Variants in SDK1 observed in about 807,000 individuals in gnomAD.
SDK1 encodes the protein protein sidekick-1.
In SDK1, 157 loss-of-function variants were observed where a neutral mutation model predicts 245.5. The ratio of observed to expected loss-of-function variants is 0.64; its 90% CI spans 0.56 to 0.73. The LOEUF is 0.73. Ranked by LOEUF, SDK1 falls within the 30% of genes least tolerant of loss-of-function variation. The pLI is 0.00. For synonymous variants in SDK1, 1,647 were observed against 1,278.5 expected (o/e 1.29, Z -6.15); for missense variants, 3,583 against 3,002.3 (o/e 1.19, Z -4.52).
intron 41 of SDK1, among the ~76,000 whole-genome samples, chr7:4,235,507 A>G (rs1244189188): frequency 1.3e-5 from 2 of 152,164 alleles, no homozygotes; most frequent in Non-Finnish European, 2.9e-5. Flanking sequence ...AAAAGCACAG[A>G]TTTCTCATTT....
chr7:3,842,672 AG>A (rs1214349381), intron 5 of SDK1, among the ~76,000 whole-genome samples: 1 of 152,122 alleles, frequency 6.6e-6, no homozygotes, highest in African/African-American at 2.4e-5. Flanking sequence ...CACTTTAAGA[AG>A]GGTCTGGGGT....
chr7:3,752,980 A>G (rs558168547), intron 4 of SDK1, among the ~76,000 whole-genome samples: 11 of 152,204 alleles, frequency 7.2e-5, no homozygotes, highest in Admixed American at 3.9e-4. Context: ...CCAAATTGCT[A>G]TTTCTCCACC....
At chr7:3,545,071 G>A (rs1380073738) in intron 1 of SDK1, among the ~76,000 whole-genome samples, 1 of 152,190 alleles carries the variant, frequency 6.6e-6, no homozygotes, top group Non-Finnish European at 1.5e-5. Context: ...TGGGAGGAGA[G>A]CTGGTGCTAT....
chr7:3,868,420 T>C (rs1780874255), intron 5 of SDK1, among the ~76,000 whole-genome samples: 1 of 152,130 alleles, frequency 6.6e-6, no homozygotes, highest in African/African-American at 2.4e-5. Context: ...AAAGAAGGAA[T>C]AGGAAAAGAA....
intron 19 of SDK1, among the ~76,000 whole-genome samples, chr7:4,058,103 A>G (rs1779312038): frequency 1.3e-5 from 2 of 152,194 alleles, no homozygotes; most frequent in African/African-American, 4.8e-5. Flanking sequence ...AAAAATAATG[A>G]TATTAAGGAA....
At chr7:3,479,876 A>AAT (rs1554277609) in intron 1 of SDK1, among the ~76,000 whole-genome samples, 23 of 147,714 alleles carry the variant, frequency 1.6e-4, no homozygotes, top group South Asian at 6.5e-4. Context: ...AAAAAAAAAA[A>AAT]TTTTTTTTTT....
At chr7:3,831,718 G>A (rs1301592301) in intron 5 of SDK1, among the ~76,000 whole-genome samples, 1 of 151,998 alleles carries the variant, frequency 6.6e-6, no homozygotes, top group Non-Finnish European at 1.5e-5. Flanking sequence ...TTCATTGGAT[G>A]TCTGCTGTAT....
intron 32 of SDK1, among the ~76,000 whole-genome samples, chr7:4,170,869 C>T (rs1334787552): frequency 6.6e-6 from 1 of 152,100 alleles, no homozygotes; most frequent in Non-Finnish European, 1.5e-5. Context: ...CCCAGGACAC[C>T]TGTGAGTGAC....
chr7:3,839,830 TAG>T (rs1780114602), intron 5 of SDK1, among the ~76,000 whole-genome samples: 1 of 152,232 alleles, frequency 6.6e-6, no homozygotes. Flanking sequence ...CATTTAGTTT[TAG>T]AGTCACAGGA....
intron 5 of SDK1, among the ~76,000 whole-genome samples, chr7:3,861,815 G>C (rs929679216): frequency 2.0e-5 from 3 of 152,100 alleles, no homozygotes; most frequent in African/African-American, 7.2e-5. Context: ...GTTGAAAAAA[G>C]AAAACAATTA....
chr7:3,594,421 A>G (rs1157781200), intron 1 of SDK1, among the ~76,000 whole-genome samples: 2 of 152,228 alleles, frequency 1.3e-5, no homozygotes, highest in Non-Finnish European at 2.9e-5. Context: ...CATTGATAAT[A>G]CAAGTTTTTG....
In SDK1 at chr7:3,782,549, A is replaced by G. The variant is rs77044975; in HGVS notation, c.714-38901A>G. On this transcript the variant is annotated intron_variant, in intron 4 of 44. Transcript: ENST00000404826. ...CAATTATCAAAAATCAAAGACAAAA[A>G]TTCCGAGAGCAGCAAGAGATAAGAA... 5.8e-3 allele frequency among the ~76,000 whole-genome samples: 882 copies of G among 152,360 alleles called. 7 individuals carry two copies. Among genetic ancestry groups the G allele is most frequent in the African/African-American group, 0.02 (825 of 41,586 alleles).
chr7:3,581,680 C>T (rs571215344), intron 1 of SDK1, among the ~76,000 whole-genome samples: 24 of 152,220 alleles, frequency 1.6e-4, no homozygotes, highest in African/African-American at 4.1e-4. Context: ...CGTTCTACGA[C>T]AAAGACACAT....
intron 17 of SDK1, 107 bp downstream of exon 17, chr7:4,017,459 C>G (rs1786504675): frequency 3.1e-5 from 30 of 957,328 alleles, no homozygotes; most frequent in Non-Finnish European, 4.1e-5. Context: ...ATCCAGTCCC[C>G]TAGGGAGCGT....
intron 22 of SDK1, among the ~76,000 whole-genome samples, chr7:4,105,857 CA>C (rs1463696687): frequency 6.6e-6 from 1 of 152,052 alleles, no homozygotes; most frequent in Non-Finnish European, 1.5e-5. Flanking sequence ...AAGAGTGGTG[CA>C]GGGGGACAGG....
intron 30 of SDK1, 28 bp downstream of exon 30, chr7:4,149,491 G>A (rs4720177): frequency 0.53 from 749,960 of 1,408,286 alleles, 202,345 homozygotes; most frequent in East Asian, 0.69. Context: ...GCACCTCCCC[G>A]GGGAACGGGG....
chr7:3,539,507 C>A (rs972422065), intron 1 of SDK1, among the ~76,000 whole-genome samples: 3 of 152,128 alleles, frequency 2.0e-5, no homozygotes, highest in Admixed American at 1.3e-4. Flanking sequence ...AGTTTCTGCC[C>A]GCCTTGAAAG....
At chr7:3,405,796 C>G (rs1038535435) in intron 1 of SDK1, among the ~76,000 whole-genome samples, 1 of 146,216 alleles carries the variant, frequency 6.8e-6, no homozygotes, top group African/African-American at 2.5e-5. Flanking sequence ...GCTTAATTTT[C>G]TTTTCTTTTC....
intron 1 of SDK1, among the ~76,000 whole-genome samples, chr7:3,498,314 G>T (rs961689513): frequency 6.6e-6 from 1 of 152,056 alleles, no homozygotes; most frequent in African/African-American, 2.4e-5. Context: ...GGTAGACTTC[G>T]GTTCTAGGAC....
Sources: gnomAD v4.1 joint callset for allele counts (sites outside exome capture counted in the v4.1 genomes callset) on GRCh38, gnomAD v4.1.1 for gene constraint, MANE v1.5 for transcripts, NCBI Gene and HGNC (gene_info 2026-07-23, HGNC 2026-07-21) for gene names.